GRIN2B: variants seen among roughly 807,000 people sequenced by gnomAD.
GRIN2B encodes the protein glutamate receptor ionotropic, NMDA 2B.
A neutral mutation model predicts 114.5 loss-of-function variants in GRIN2B; 5 were observed. That is an observed-to-expected ratio of 0.04 (90% CI 0.02 to 0.09). GRIN2B has a LOEUF of 0.09. GRIN2B is among the 10% of genes least tolerant of loss of function. The probability of loss-of-function intolerance (pLI) is 1.00; values close to 1 mark genes in which losing one functional copy is unlikely to be tolerated. For synonymous variants in GRIN2B, 787 were observed against 745.1 expected (o/e 1.06, Z -0.92); for missense variants, 1,108 against 1,943.5 (o/e 0.57, Z 8.08).
At chr12:13,629,888 T>G (rs1949603127) in intron 5 of GRIN2B, among the ~76,000 whole-genome samples, 1 of 152,202 alleles carries the variant, frequency 6.6e-6, no homozygotes, top group Admixed American at 6.5e-5. Context: ...GTAGCATCTA[T>G]GCCAAGAAGT....
chr12:13,747,364 A>G (rs1004368599), intron 4 of GRIN2B, among the ~76,000 whole-genome samples: 6 of 152,236 alleles, frequency 3.9e-5, no homozygotes, highest in African/African-American at 1.2e-4. Context: ...GAAGAGTTTG[A>G]ATCGTCCTCC....
chr12:13,599,897 C>T (rs1949131535), intron 10 of GRIN2B, among the ~76,000 whole-genome samples: 1 of 152,194 alleles, frequency 6.6e-6, no homozygotes, highest in African/African-American at 2.4e-5. Context: ...AAGAAGTGCT[C>T]ACTAGCCTCT....
chr12:13,695,013 T>G (rs907147133), intron 4 of GRIN2B, among the ~76,000 whole-genome samples: 1 of 152,046 alleles, frequency 6.6e-6, no homozygotes, highest in African/African-American at 2.4e-5. Flanking sequence ...ATTAAGAGGA[T>G]TTAAAGTGGT....
intron 4 of GRIN2B, among the ~76,000 whole-genome samples, chr12:13,677,731 C>T (rs1271521787): frequency 6.6e-6 from 1 of 151,994 alleles, no homozygotes; most frequent in African/African-American, 2.4e-5. Flanking sequence ...TTCTTTCTTA[C>T]TTAAAGCTGA....
intron 2 of GRIN2B, among the ~76,000 whole-genome samples, chr12:13,920,179 G>A (rs1032307770): frequency 8.6e-5 from 13 of 150,888 alleles, no homozygotes; most frequent in South Asian, 4.2e-4. Context: ...CAGGAGGATC[G>A]CTTGAGCCCA....
chr12:13,550,453 T>A lies in GRIN2B; in HGVS notation c.*12330A>T, dbSNP rs759007965. The A allele has an allele frequency of 2.0e-5, 3 of 152,206 alleles. No homozygotes were observed. The highest frequency in any genetic ancestry group is 7.2e-5 in the African/African-American group (3 of 41,456). The allele number at this position is 152,206 out of a possible 1,614,324, so 9.4% of individuals were successfully genotyped here. On this transcript the variant is annotated 3_prime_UTR_variant, in exon 14 of 14. Transcript: ENST00000609686. ...GAAATAACCAAAGTGAATGCGCTGA[T>A]CACTGAAGGTGTGCAAGAGTCTCAG...
chr12:13,743,421 C>G (rs972070058), intron 4 of GRIN2B, among the ~76,000 whole-genome samples: 2 of 152,256 alleles, frequency 1.3e-5, no homozygotes, highest in South Asian at 2.1e-4. Flanking sequence ...GTGGAGTCCA[C>G]TATTTTGAGT....
At chr12:13,930,594 A>T (rs219883) in intron 2 of GRIN2B, among the ~76,000 whole-genome samples, 130,915 of 151,930 alleles carry the variant, frequency 0.86, 56,503 homozygotes, top group East Asian at 0.99. Flanking sequence ...TCTACATTTG[A>T]ATTAATGTAT....
chr12:13,585,553 C>T (rs187755743), intron 10 of GRIN2B, among the ~76,000 whole-genome samples: 3 of 152,310 alleles, frequency 2.0e-5, no homozygotes, highest in East Asian at 1.9e-4. Flanking sequence ...GCATGCCCCT[C>T]GGGGTTCACA....
intron 3 of GRIN2B, among the ~76,000 whole-genome samples, chr12:13,861,216 C>T (rs920019993): frequency 6.6e-6 from 1 of 152,116 alleles, no homozygotes; most frequent in African/African-American, 2.4e-5. Flanking sequence ...TCTTATGATG[C>T]AGAATTGTAT....
intron 10 of GRIN2B, among the ~76,000 whole-genome samples, chr12:13,591,911 G>A (rs1164039343): frequency 2.0e-5 from 3 of 152,054 alleles, no homozygotes; most frequent in Non-Finnish European, 4.4e-5. Context: ...ATAAGTGGTT[G>A]GCTCATTAAA....
intron 2 of GRIN2B, among the ~76,000 whole-genome samples, chr12:13,936,080 A>C (rs1228823713): frequency 6.6e-6 from 1 of 152,170 alleles, no homozygotes; most frequent in East Asian, 1.9e-4. Flanking sequence ...TTAGAGACAC[A>C]TGTGCAAAGA....
At chr12:13,848,457 G>T (rs1865504102) in intron 3 of GRIN2B, among the ~76,000 whole-genome samples, 1 of 151,892 alleles carries the variant, frequency 6.6e-6, no homozygotes, top group Non-Finnish European at 1.5e-5. Context: ...GCAGGCAAAG[G>T]GCAGAAAAAA....
chr12:13,831,967 C>A (rs112585694), intron 3 of GRIN2B, among the ~76,000 whole-genome samples: 24 of 152,134 alleles, frequency 1.6e-4, no homozygotes, highest in South Asian at 2.1e-4. Context: ...TACAGGCTTC[C>A]ATATATAGAT....
intron 10 of GRIN2B, among the ~76,000 whole-genome samples, chr12:13,579,052 C>T (rs1948811842): frequency 6.6e-6 from 1 of 151,992 alleles, no homozygotes; most frequent in Admixed American, 6.6e-5. Flanking sequence ...TCGATGGTGT[C>T]CCAGAGCCTG....
chr12:13,783,268 A>C (rs760959485), intron 3 of GRIN2B, among the ~76,000 whole-genome samples: 5 of 151,992 alleles, frequency 3.3e-5, no homozygotes, highest in Non-Finnish European at 7.4e-5. Flanking sequence ...CACACACACA[A>C]AAATAAAACA....
intron 5 of GRIN2B, among the ~76,000 whole-genome samples, chr12:13,675,310 T>C (rs1403563874): frequency 6.6e-6 from 1 of 152,090 alleles, no homozygotes; most frequent in Non-Finnish European, 1.5e-5. Flanking sequence ...GTGGGAGAGA[T>C]TGAGCAGAGC....
intron 3 of GRIN2B, among the ~76,000 whole-genome samples, chr12:13,784,589 C>A (rs1215390131): frequency 1.3e-5 from 2 of 152,124 alleles, no homozygotes; most frequent in Non-Finnish European, 2.9e-5. Flanking sequence ...ATGAGCTGGC[C>A]TAAAGACTCA....
intron 4 of GRIN2B, among the ~76,000 whole-genome samples, chr12:13,678,630 A>G (rs928778645): frequency 6.6e-6 from 1 of 152,000 alleles, no homozygotes; most frequent in East Asian, 1.9e-4. Context: ...ACACAACTCA[A>G]TGCTCAATCT....
Sources: allele counts gnomAD v4.1 joint callset (sites outside exome capture counted in the v4.1 genomes callset), GRCh38; gene constraint gnomAD v4.1.1; transcripts MANE v1.5; gene names NCBI Gene and HGNC (gene_info 2026-07-23, HGNC 2026-07-21).